NECTIN1: variants seen among roughly 807,000 people sequenced by gnomAD.
NECTIN1 encodes nectin-1.
In NECTIN1, 23 loss-of-function variants were observed where a neutral mutation model predicts 48.0. The observed-to-expected ratio is 0.48, with a 90% CI of 0.34 to 0.68. The LOEUF (loss-of-function observed/expected upper bound fraction) is 0.68, where lower values mean the gene tolerates loss of function less well. NECTIN1 is among the 30% of genes least tolerant of loss of function. The probability of loss-of-function intolerance (pLI) is 0.01; values close to 1 mark genes in which losing one functional copy is unlikely to be tolerated. For synonymous variants in NECTIN1, 270 were observed against 288.9 expected, an observed-to-expected ratio of 0.93 and a Z score of 0.66; for missense variants, 591 against 709.9, an observed-to-expected ratio of 0.83 and a Z score of 1.90.
intron 5 of NECTIN1, among the ~76,000 whole-genome samples, chr11:119,648,352 G>GTGA (rs1864439163): frequency 2.1e-5 from 1 of 48,010 alleles, no homozygotes; most frequent in African/African-American, 9.1e-5. Context: ...GATGCTGGTG[G>GTGA]TGGTGATGCT....
chr11:119,710,348 G>A (rs1865621352), intron 1 of NECTIN1, among the ~76,000 whole-genome samples: 1 of 152,182 alleles, frequency 6.6e-6, no homozygotes, highest in South Asian at 2.1e-4. Context: ...AACCAAGCAA[G>A]CAATTTATTC....
intron 1 of NECTIN1, among the ~76,000 whole-genome samples, chr11:119,699,249 A>G (rs188168770): frequency 5.9e-5 from 9 of 152,278 alleles, no homozygotes; most frequent in African/African-American, 2.2e-4. Flanking sequence ...GATGCAGGAA[A>G]ACAAGGACCA....
intron 5 of NECTIN1, chr11:119,674,318 T>C (rs1022486597): frequency 1.5e-6 from 2 of 1,338,682 alleles, no homozygotes; most frequent in Non-Finnish European, 1.9e-6. Flanking sequence ...GAAGTTGTGA[T>C]GGCAGTTTAC....
chr11:119,699,754 C>T (rs903953627), intron 1 of NECTIN1, among the ~76,000 whole-genome samples: 2 of 152,182 alleles, frequency 1.3e-5, no homozygotes, highest in African/African-American at 4.8e-5. Context: ...CTGAAGACAT[C>T]GAGACTAAGT....
At chr11:119,655,544 G>A (rs1463691856) in intron 5 of NECTIN1, among the ~76,000 whole-genome samples, 1 of 152,176 alleles carries the variant, frequency 6.6e-6, no homozygotes, top group Non-Finnish European at 1.5e-5. Context: ...AGGTTTGCCC[G>A]ACTCTGAAGC....
intron 1 of NECTIN1, among the ~76,000 whole-genome samples, chr11:119,691,417 G>A (rs1865249950): frequency 1.3e-5 from 2 of 152,228 alleles, no homozygotes; most frequent in South Asian, 4.1e-4. Context: ...GGGAAAGTGG[G>A]ATCTTCAAAA....
At chr11:119,675,524 T>G in intron 4 of NECTIN1, 1 of 549,384 alleles carries the variant, frequency 1.8e-6, no homozygotes, top group Non-Finnish European at 3.2e-6. Context: ...TATGGGAATA[T>G]AGGCAGGCTA....
intron 1 of NECTIN1, among the ~76,000 whole-genome samples, chr11:119,705,518 T>G (rs1310914958): frequency 6.6e-6 from 1 of 152,130 alleles, no homozygotes; most frequent in East Asian, 1.9e-4. Context: ...GGAGGAGATA[T>G]TCCAGGCAGA....
chr11:119,657,774 A>ATAATAATACTAC (rs1307590815), downstream of NECTIN1, among the ~76,000 whole-genome samples: 4 of 147,014 alleles, frequency 2.7e-5, no homozygotes, highest in African/African-American at 1.0e-4. Context: ...AATAATAATA[A>ATAATAATACTAC]TACTAGCTGG....
At chr11:119,710,992 G>A (rs1036088469) in intron 1 of NECTIN1, among the ~76,000 whole-genome samples, 1 of 151,928 alleles carries the variant, frequency 6.6e-6, no homozygotes, top group African/African-American at 2.4e-5. Flanking sequence ...AGATGGGAGG[G>A]GAGGTGTCAA....
intron 1 of NECTIN1, among the ~76,000 whole-genome samples, chr11:119,695,793 AC>A (rs1187260897): frequency 2.0e-5 from 3 of 151,532 alleles, no homozygotes; most frequent in Non-Finnish European, 4.4e-5. Flanking sequence ...AAGTGGGAGC[AC>A]CCCCCTTTGC....
Position 119,664,641 on chromosome 11 carries a change from G to C in NECTIN1, c.*106C>G. ...GTTCGGGGCTGGCTTTGGGCAGCTG[G>C]GCAAGTCTCTGTTCAGCTCCTGGAG... is the stretch of plus-strand genomic sequence containing the variant. On this transcript the variant is annotated 3_prime_UTR_variant, in exon 6 of 6. Transcript: ENST00000264025. 6.9e-7 allele frequency: 1 copy of C among 1,452,436 alleles called. No homozygotes were observed. Among genetic ancestry groups the C allele is most frequent in the East Asian group, 2.5e-5 (1 of 39,838 alleles). 90.0% of individuals were successfully genotyped at this position (1,452,436 alleles called of 1,614,324 possible).
In NECTIN1 at chr11:119,662,299, A is replaced by G. The variant is rs1433904810; in HGVS notation, c.*2448T>C. On this transcript the variant is annotated 3_prime_UTR_variant, in exon 6 of 6. Coordinates refer to ENST00000264025, the MANE Select transcript of NECTIN1 (RefSeq NM_002855.5). This position sits in a 1 kb window ranked among gnomAD's most constrained non-coding sequence, Gnocchi z 5.3. The stretch of plus-strand genomic sequence containing the variant: ...ACCTTCCCACAAACTTGGGGCACAG[A>G]AAACCTCACATCCCTAGGTCCAAGT... 2 of 985,668 alleles carry G rather than the reference A, an allele frequency of 2.0e-6. No individual in the cohort carries two copies. Among genetic ancestry groups the G allele is most frequent in the Non-Finnish European group, 2.4e-6 (2 of 829,960 alleles). 61.1% of individuals were successfully genotyped at this position (985,668 alleles called of 1,614,324 possible). A position where few individuals can be genotyped will look rare whatever the true frequency, so the allele number is the denominator to read the frequency against.
intron 4 of NECTIN1, 111 bp downstream of exon 4, chr11:119,676,991 C>T: frequency 1.1e-6 from 1 of 902,404 alleles, no homozygotes; most frequent in Non-Finnish European, 1.9e-6. Flanking sequence ...TGAGCCCAGA[C>T]CCTAATTTCT....
chr11:119,661,453 C>A lies in NECTIN1; in HGVS notation c.*3294G>T, dbSNP rs560856416. ...GGTGTGGGGACCTGGGGCACACCCA[C>A]CTGCCCCTCACTAGGAGAGGGTTTC... is the stretch of plus-strand genomic sequence containing the variant. On this transcript the variant is annotated 3_prime_UTR_variant, in exon 6 of 6. Coordinates refer to ENST00000264025, the MANE Select transcript of NECTIN1 (RefSeq NM_002855.5). 22 of 985,914 alleles carry A rather than the reference C, an allele frequency of 2.2e-5. No individual in the cohort carries two copies. In the East Asian group the frequency reaches 2.4e-3, roughly 107 times the overall value. The allele number at this position is 985,914 out of a possible 1,614,324, so 61.1% of individuals were successfully genotyped here. A position where few individuals can be genotyped will look rare whatever the true frequency, so the allele number is the denominator to read the frequency against.
chr11:119,646,433 G>A (rs1864396778), intron 5 of NECTIN1, among the ~76,000 whole-genome samples: 1 of 152,254 alleles, frequency 6.6e-6, no homozygotes, highest in Non-Finnish European at 1.5e-5. Context: ...TAACGGGGAT[G>A]ATGTTGGCCC....
intron 1 of NECTIN1, among the ~76,000 whole-genome samples, chr11:119,722,841 GTTCAC>G (rs1313792785): frequency 6.6e-6 from 1 of 152,252 alleles, no homozygotes; most frequent in African/African-American, 2.4e-5. Flanking sequence ...GGGGATAGAA[GTTCAC>G]TTCACTGCAT....
chr11:119,664,244 A>G lies in NECTIN1; in HGVS notation c.*503T>C. 1.0e-6 allele frequency: 1 copy of G among 991,234 alleles called. No individual in the cohort carries two copies. Among genetic ancestry groups the G allele is most frequent in the Non-Finnish European group, 1.2e-6 (1 of 833,302 alleles). The allele number at this position is 991,234 out of a possible 1,614,324, so 61.4% of individuals were successfully genotyped here. A position where few individuals can be genotyped will look rare whatever the true frequency, so the allele number is the denominator to read the frequency against. ...GTCTAGACCCAAGGTCCAAACTCCC[A>G]GCTGCATCAGATTTCACTGGTGGGT... On this transcript the variant is annotated 3_prime_UTR_variant, in exon 6 of 6. Coordinates refer to ENST00000264025, the MANE Select transcript of NECTIN1 (RefSeq NM_002855.5).
chr11:119,718,258 C>T (rs1278966582), intron 1 of NECTIN1, among the ~76,000 whole-genome samples: 1 of 152,136 alleles, frequency 6.6e-6, no homozygotes, highest in Non-Finnish European at 1.5e-5. Flanking sequence ...GATTTTTCTG[C>T]CCCCGTGATC....
Sources: allele counts gnomAD v4.1 joint callset (sites outside exome capture counted in the v4.1 genomes callset), GRCh38; gene constraint gnomAD v4.1.1; non-coding constraint Gnocchi (gnomAD v3.1); transcripts MANE v1.5; gene names NCBI Gene and HGNC (gene_info 2026-07-23, HGNC 2026-07-21).